Variants in ELOVL5 observed in about 807,000 individuals in gnomAD.
ELOVL5 encodes the protein very long chain fatty acid elongase 5.
Under a neutral mutation model 38.6 loss-of-function variants are expected in ELOVL5, and 8 were observed. That is an observed-to-expected ratio of 0.21 (90% CI 0.12 to 0.37). The LOEUF (loss-of-function observed/expected upper bound fraction) is 0.37. Among genes scored for constraint, ELOVL5 ranks in the 10% least tolerant of loss-of-function variants. ELOVL5 has a pLI of 1.00. For synonymous variants in ELOVL5, 127 were observed against 133.7 expected (o/e 0.95, Z 0.34); for missense variants, 280 against 367.8 (o/e 0.76, Z 1.95).
chr6:53,328,037 G>A (rs1481577602), intron 1 of ELOVL5, among the ~76,000 whole-genome samples: 1 of 151,876 alleles, frequency 6.6e-6, no homozygotes, highest in East Asian at 1.9e-4. Context: ...CCAGCAATAA[G>A]ACAACCACAG....
At chr6:53,312,020 T>C (rs1053484326) in intron 1 of ELOVL5, among the ~76,000 whole-genome samples, 4 of 152,222 alleles carry the variant, frequency 2.6e-5, no homozygotes, top group African/African-American at 7.2e-5. Flanking sequence ...GATTGACTTA[T>C]GATTGTCATC....
intron 3 of ELOVL5, among the ~76,000 whole-genome samples, chr6:53,283,667 G>T (rs1002815151): frequency 6.6e-6 from 1 of 152,138 alleles, no homozygotes; most frequent in Non-Finnish European, 1.5e-5. Flanking sequence ...AAAAACAAAT[G>T]AAGGAAGTAG....
At chr6:53,308,343 C>A (rs191082199) in intron 1 of ELOVL5, among the ~76,000 whole-genome samples, 1 of 152,294 alleles carries the variant, frequency 6.6e-6, no homozygotes, top group East Asian at 1.9e-4. Context: ...CTGTCCACAT[C>A]CTATTAGGCT....
Position 53,268,918 on chromosome 6 carries a change from C to T in ELOVL5, c.*209G>A. 1 of 527,942 alleles carries T rather than the reference C, an allele frequency of 1.9e-6. No homozygotes were observed. Among genetic ancestry groups the T allele is most frequent in the South Asian group, 2.9e-5 (1 of 34,162 alleles). 32.7% of individuals were successfully genotyped at this position (527,942 alleles called of 1,614,324 possible). A position where few individuals can be genotyped will look rare whatever the true frequency, so the allele number is the denominator to read the frequency against. ...CCTTTCCACAGTCTAGCGCAGGGGT[C>T]AGAGAGCCCAGAAATGTTAGAAATC... On this transcript the variant is annotated 3_prime_UTR_variant, in exon 8 of 8. Coordinates refer to ENST00000304434, the MANE Select transcript of ELOVL5 (RefSeq NM_021814.5).
intron 1 of ELOVL5, among the ~76,000 whole-genome samples, chr6:53,332,726 C>G (rs1561891913): frequency 6.6e-6 from 1 of 152,206 alleles, no homozygotes; most frequent in Non-Finnish European, 1.5e-5. Flanking sequence ...TTTTTGGAAA[C>G]CAAACTTTCC....
At chr6:53,333,603 C>T (rs1047759473) in intron 1 of ELOVL5, among the ~76,000 whole-genome samples, 7 of 152,074 alleles carry the variant, frequency 4.6e-5, no homozygotes, top group African/African-American at 7.2e-5. Context: ...ATTTAGCACA[C>T]AAAAATCTTA....
intron 3 of ELOVL5, among the ~76,000 whole-genome samples, chr6:53,285,042 T>C (rs769409422): frequency 3.3e-4 from 50 of 152,198 alleles, no homozygotes; most frequent in Non-Finnish European, 6.3e-4. Flanking sequence ...TACAATGGCC[T>C]CTAAGTGCTG....
At chr6:53,312,577 G>C (rs1328006078) in intron 1 of ELOVL5, among the ~76,000 whole-genome samples, 2 of 152,214 alleles carry the variant, frequency 1.3e-5, no homozygotes, top group Non-Finnish European at 2.9e-5. Flanking sequence ...TAGCAATGTT[G>C]TGTATCTGGA....
At chr6:53,329,144 T>C (rs1159115105) in intron 1 of ELOVL5, among the ~76,000 whole-genome samples, 1 of 152,166 alleles carries the variant, frequency 6.6e-6, no homozygotes, top group African/African-American at 2.4e-5. Flanking sequence ...AAGTAGTATA[T>C]AAAGTACTTT....
At chr6:53,276,049 T>C (rs1318793929) in intron 4 of ELOVL5, 130 bp downstream of exon 4, 2 of 640,830 alleles carry the variant, frequency 3.1e-6, no homozygotes, top group East Asian at 5.7e-5. Flanking sequence ...ATATTGCCTT[T>C]TTTATTCTTT....
intron 1 of ELOVL5, among the ~76,000 whole-genome samples, chr6:53,342,734 T>C (rs569645230): frequency 6.6e-6 from 1 of 152,160 alleles, no homozygotes; most frequent in Admixed American, 6.5e-5. Flanking sequence ...TTTCCCTAAA[T>C]CCCAGTCAGC....
intron 6 of ELOVL5, among the ~76,000 whole-genome samples, chr6:53,271,110 C>G (rs1438925882): frequency 3.9e-5 from 6 of 152,186 alleles, no homozygotes; most frequent in Non-Finnish European, 8.8e-5. Flanking sequence ...AACTCCTTAT[C>G]CATGGACGCT....
chr6:53,301,105 G>T (rs1767230580), intron 1 of ELOVL5, among the ~76,000 whole-genome samples: 1 of 152,158 alleles, frequency 6.6e-6, no homozygotes, highest in Non-Finnish European at 1.5e-5. Flanking sequence ...GAGGCACAGG[G>T]CTATGCAAAA....
At chr6:53,335,529 T>C (rs534144651) in intron 1 of ELOVL5, among the ~76,000 whole-genome samples, 2 of 152,198 alleles carry the variant, frequency 1.3e-5, no homozygotes, top group East Asian at 1.9e-4. Flanking sequence ...TTAGGTGTCC[T>C]TCCTGTTTAC....
In ELOVL5 at chr6:53,276,213, T is replaced by C; in HGVS notation, c.290A>G (p.Gln97Arg). ...VWEGKYNFFCQGTRTAGESDM... is the reference protein window; with the variant it reads ...VWEGKYNFFCRGTRTAGESDM... ...TGATTCTCCTGCGGTGCGTGTGCCC[T>C]GACAGAAGAAGTTGTATTTGCCTTC... Residue 97 changes from glutamine to arginine, a missense_variant, in exon 4 of 8, where the codon CAG (glutamine) becomes CGG (arginine). By Grantham distance (43) the Gln-to-Arg change is conservative (BLOSUM62 1). Around this residue, in one of 3 missense-constraint regions of ELOVL5, gnomAD observed 150 missense variants for 178.0 expected, o/e 0.84. Transcript: ENST00000304434. 6.2e-7 allele frequency: 1 copy of C among 1,613,666 alleles called. No individual in the cohort carries two copies. The highest frequency in any genetic ancestry group is 8.5e-7 in the Non-Finnish European group (1 of 1,179,584).
At chr6:53,342,328 T>C (rs1180922402) in intron 1 of ELOVL5, among the ~76,000 whole-genome samples, 1 of 152,232 alleles carries the variant, frequency 6.6e-6, no homozygotes, top group African/African-American at 2.4e-5. Flanking sequence ...TCATGAGAAC[T>C]ATTCTTCAGG....
intron 1 of ELOVL5, among the ~76,000 whole-genome samples, chr6:53,315,784 A>C (rs1768009520): frequency 6.6e-6 from 1 of 152,232 alleles, no homozygotes; most frequent in African/African-American, 2.4e-5. Flanking sequence ...TAAAAACCCT[A>C]GCTGTCAGTG....
chr6:53,311,076 G>C (rs1003352390), intron 1 of ELOVL5, among the ~76,000 whole-genome samples: 1 of 152,138 alleles, frequency 6.6e-6, no homozygotes, highest in Non-Finnish European at 1.5e-5. Context: ...CAGGTGACTG[G>C]GTGGGCTCTT....
chr6:53,276,998 C>T (rs2127568346), intron 3 of ELOVL5: 1 of 147,846 alleles, frequency 6.8e-6, no homozygotes, highest in Admixed American at 6.6e-5. Flanking sequence ...ACAGGCTCTA[C>T]ATCACAGCCC....
Sources: allele counts gnomAD v4.1 joint callset (sites outside exome capture counted in the v4.1 genomes callset), GRCh38; gene constraint gnomAD v4.1.1; regional missense constraint gnomAD v4.1.1; transcripts MANE v1.5; gene names NCBI Gene and HGNC (gene_info 2026-07-23, HGNC 2026-07-21).